The following NGEF variants were observed in gnomAD, a reference collection of about 807,000 sequenced individuals.
NGEF encodes the protein neuronal guanine nucleotide exchange factor.
NGEF carries 31 observed loss-of-function variants against 80.9 expected under a neutral mutation model. That is an observed-to-expected ratio of 0.38 (90% CI 0.29 to 0.52). NGEF has a LOEUF of 0.52. Ranked by LOEUF, NGEF falls within the 20% of genes least tolerant of loss-of-function variation. The probability of loss-of-function intolerance (pLI) is 0.84; values close to 1 mark genes in which losing one functional copy is unlikely to be tolerated. For synonymous variants in NGEF, 371 were observed against 370.2 expected (o/e 1.00, Z -0.03); for missense variants, 709 against 926.2 (o/e 0.77, Z 3.04).
intron 5 of NGEF, among the ~76,000 whole-genome samples, chr2:232,907,945 C>T (rs987828921): frequency 1.3e-5 from 2 of 151,982 alleles, no homozygotes; most frequent in African/African-American, 4.8e-5. Context: ...TCCATCTCTA[C>T]CAAAAATATA....
At chr2:232,927,242 G>C in intron 3 of NGEF, 56 bp from the exon 4 acceptor site, 1 of 1,501,694 alleles carries the variant, frequency 6.7e-7, no homozygotes, top group Non-Finnish European at 8.8e-7. Flanking sequence ...GATTCACCTC[G>C]GCTGGCTAGC....
At chr2:232,927,287 G>A (rs1693093610) in intron 3 of NGEF, 101 bp from the exon 4 acceptor site, 2 of 1,332,330 alleles carry the variant, frequency 1.5e-6, no homozygotes, top group South Asian at 1.5e-5. Flanking sequence ...CTAGCCAGCC[G>A]GACCTTACCC....
At chr2:233,008,134 A>G (rs747030940) in intron 1 of NGEF, among the ~76,000 whole-genome samples, 1 of 152,204 alleles carries the variant, frequency 6.6e-6, no homozygotes, top group Non-Finnish European at 1.5e-5. Flanking sequence ...AACTTCAAAT[A>G]CTTGGAAATT....
chr2:232,932,949 CA>C (rs34758709), intron 3 of NGEF, among the ~76,000 whole-genome samples: 119,423 of 150,478 alleles, frequency 0.79, 47,722 homozygotes, highest in African/African-American at 0.86. Flanking sequence ...ACTAAAAATA[CA>C]AAAAAAAAAT....
chr2:232,881,374 G>A (rs1574981678), intron 13 of NGEF, 124 bp from the exon 14 acceptor site: 4 of 689,880 alleles, frequency 5.8e-6, no homozygotes, highest in African/African-American at 1.8e-5. Flanking sequence ...AGAAGGGCTC[G>A]TCTGAGGAAG....
rs199515687 is a variant in NGEF, at chr2:232,930,324, CTCTT to C, written c.384-3142_384-3139del. Reference sequence around the variant, plus strand: ...AGAGTACTCTGGGCTCTCTCTCTCTCTCTTTTTTTTTTTGAAATGGACTCTCGCT... The same window carrying C: ...AGAGTACTCTGGGCTCTCTCTCTCTCTTTTTTTTTGAAATGGACTCTCGCT... On this transcript the variant is annotated intron_variant, in intron 3 of 14. Coordinates refer to ENST00000264051, the MANE Select transcript of NGEF (RefSeq NM_019850.3). 9.2e-3 allele frequency among the ~76,000 whole-genome samples: 1,230 copies of C among 134,340 alleles called. 28 individuals carry two copies. The highest frequency in any genetic ancestry group is 0.056 in the Admixed American group (766 of 13,596). The allele number at this position is 134,340 out of a possible 152,430, so 88.1% of individuals were successfully genotyped here. A position where few individuals can be genotyped will look rare whatever the true frequency, so the allele number is the denominator to read the frequency against.
intron 3 of NGEF, among the ~76,000 whole-genome samples, chr2:232,937,537 C>A (rs1439742735): frequency 6.6e-6 from 1 of 152,212 alleles, no homozygotes; most frequent in Non-Finnish European, 1.5e-5. Context: ...GCTCTGTCTT[C>A]TGTTAGCACT....
chr2:232,977,569 T>C (rs1020763823), intron 1 of NGEF, among the ~76,000 whole-genome samples: 7 of 152,166 alleles, frequency 4.6e-5, no homozygotes, highest in Non-Finnish European at 8.8e-5. Flanking sequence ...AACCCTTGCA[T>C]TGAGGCTGCT....
chr2:232,905,882 C>T (rs1209487711), intron 5 of NGEF: 16 of 190,572 alleles, frequency 8.4e-5, no homozygotes, highest in African/African-American at 1.3e-4. Context: ...CCGCCCCGTC[C>T]GGGAGGGAGG....
At chr2:232,949,012 C>G (rs556752904) in intron 3 of NGEF, among the ~76,000 whole-genome samples, 1 of 149,022 alleles carries the variant, frequency 6.7e-6, no homozygotes, top group African/African-American at 2.5e-5. Flanking sequence ...AGCAAGACTG[C>G]GTCTCAAAAA....
At chr2:232,934,761 G>A (rs1693295293) in intron 3 of NGEF, among the ~76,000 whole-genome samples, 1 of 152,092 alleles carries the variant, frequency 6.6e-6, no homozygotes, top group Non-Finnish European at 1.5e-5. Flanking sequence ...CCAGCACTTG[G>A]GGAGGCCAAG....
chr2:232,987,484 C>G (rs13031269), intron 1 of NGEF, among the ~76,000 whole-genome samples: 1 of 152,106 alleles, frequency 6.6e-6, no homozygotes, highest in African/African-American at 2.4e-5. Flanking sequence ...GAGCTTGGCC[C>G]TCTGGGGGTG....
intron 3 of NGEF, among the ~76,000 whole-genome samples, chr2:232,940,340 C>T (rs112897222): frequency 2.6e-5 from 4 of 152,188 alleles, no homozygotes; most frequent in Non-Finnish European, 4.4e-5. Flanking sequence ...AGCCAGTGGT[C>T]GCCAAGGCGT....
At chr2:232,883,939 C>A in intron 11 of NGEF, 42 bp downstream of exon 11, 1 of 1,563,684 alleles carries the variant, frequency 6.4e-7, no homozygotes, top group South Asian at 1.2e-5. Context: ...CAACACACTC[C>A]TCTACCCACC....
chr2:233,005,801 C>T (rs1695071926), intron 1 of NGEF, among the ~76,000 whole-genome samples: 1 of 152,004 alleles, frequency 6.6e-6, no homozygotes, highest in East Asian at 1.9e-4. Context: ...GTAAGATTTG[C>T]ATTGTTTTTT....
intron 9 of NGEF, 45 bp downstream of exon 9, chr2:232,887,988 G>T: frequency 6.7e-7 from 1 of 1,486,348 alleles, no homozygotes; most frequent in Non-Finnish European, 9.4e-7. Context: ...CCTGGATGAG[G>T]AAAACAGTGC....
chr2:232,896,533 G>C (rs1692067588), intron 5 of NGEF, among the ~76,000 whole-genome samples: 2 of 147,186 alleles, frequency 1.4e-5, no homozygotes, highest in Admixed American at 6.9e-5. Context: ...GTGAGGGTGG[G>C]GGTGAGGGTA....
At chr2:232,977,758 G>C (rs181508614) in intron 1 of NGEF, among the ~76,000 whole-genome samples, 1 of 152,296 alleles carries the variant, frequency 6.6e-6, no homozygotes, top group East Asian at 1.9e-4. Context: ...GGCAGGCCCC[G>C]AGCAGGAGGC....
In NGEF at chr2:232,992,223, T is replaced by C. The variant is rs757465302; in HGVS notation, c.-74-17259A>G. ...ACAAAAGAAAATAAATTGGACGTCA[T>C]CAAAATTTAAAACTTTTATGCTTCC... On this transcript the variant is annotated intron_variant, in intron 1 of 14. Coordinates refer to ENST00000264051, the MANE Select transcript of NGEF (RefSeq NM_019850.3). Among the ~76,000 whole-genome samples, 89 of 152,240 alleles carry C rather than the reference T, an allele frequency of 5.8e-4. 1 individual carries two copies. Among genetic ancestry groups the C allele is most frequent in the Admixed American group, 6.5e-4 (10 of 15,288 alleles).
Sources: allele counts gnomAD v4.1 joint callset (sites outside exome capture counted in the v4.1 genomes callset), GRCh38; gene constraint gnomAD v4.1.1; transcripts MANE v1.5; gene names NCBI Gene and HGNC (gene_info 2026-07-23, HGNC 2026-07-21).